SP140: variants seen among roughly 807,000 people sequenced by gnomAD.
The protein encoded by SP140 is nuclear body protein SP140.
Under a neutral mutation model 125.0 loss-of-function variants are expected in SP140, and 81 were observed. The ratio of observed to expected loss-of-function variants is 0.65; its 90% CI spans 0.54 to 0.78. The LOEUF (loss-of-function observed/expected upper bound fraction) is 0.78, where lower values mean the gene tolerates loss of function less well. SP140 is among the 30% of genes least tolerant of loss of function. The pLI, the probability that SP140 is intolerant of heterozygous loss-of-function variation, is 0.00. For synonymous variants in SP140, 312 were observed against 354.0 expected (o/e 0.88, Z 1.33); for missense variants, 858 against 1,037.0 (o/e 0.83, Z 2.37).
chr2:230,235,605 C>G (rs896387363), intron 1 of SP140, among the ~76,000 whole-genome samples: 1 of 152,056 alleles, frequency 6.6e-6, no homozygotes, highest in Non-Finnish European at 1.5e-5. Context: ...TGACCATTTC[C>G]TGGTGGGATA....
chr2:230,243,270 A>G (rs183692666), intron 4 of SP140, among the ~76,000 whole-genome samples: 4 of 152,302 alleles, frequency 2.6e-5, no homozygotes, highest in African/African-American at 4.8e-5. Flanking sequence ...TACTTAGAAT[A>G]TATGATCAAA....
At chr2:230,204,534 A>G (rs1392316237) in intron 1 of SP140, among the ~76,000 whole-genome samples, 1 of 152,138 alleles carries the variant, frequency 6.6e-6, no homozygotes, top group Non-Finnish European at 1.5e-5. Flanking sequence ...ATAACACAAT[A>G]ATGAATTCAT....
chr2:230,253,159 G>C (rs1432467151), intron 10 of SP140, among the ~76,000 whole-genome samples, 157 bp from the exon 11 acceptor site: 1 of 152,162 alleles, frequency 6.6e-6, no homozygotes, highest in Non-Finnish European at 1.5e-5. Context: ...GCAGAACGGT[G>C]AGGAGGACAC....
rs2048260300 is a variant in SP140, at chr2:230,238,313, C to T, written c.338C>T (p.Ala113Val). 1 of 1,613,996 alleles carries T rather than the reference C, an allele frequency of 6.2e-7. No homozygotes were observed. The highest frequency in any genetic ancestry group is 8.5e-7 in the Non-Finnish European group (1 of 1,179,892). ...EKTFGWSHLE[A>V]LFSRINLMAY... ...ACATTTGGCTGGTCACATCTGGAAG[C>T]ATTGTTCAGCAGGATTAACCTGATG... Residue 113 changes from alanine to valine, a missense_variant, in exon 3 of 27, where the codon GCA becomes GTA. Around this residue, in one of 4 missense-constraint regions of SP140, gnomAD observed 791 missense variants for 869.5 expected, o/e 0.91. Coordinates refer to ENST00000392045, the MANE Select transcript of SP140 (RefSeq NM_007237.5).
chr2:230,283,720 T>C (rs550598517), intron 15 of SP140, among the ~76,000 whole-genome samples: 1 of 152,052 alleles, frequency 6.6e-6, no homozygotes, highest in Non-Finnish European at 1.5e-5. Flanking sequence ...ACTTTTCTGA[T>C]AAAGGGCACG....
intron 6 of SP140, among the ~76,000 whole-genome samples, chr2:230,245,578 T>G (rs1490054141): frequency 6.6e-6 from 1 of 151,776 alleles, no homozygotes; most frequent in Non-Finnish European, 1.5e-5. Context: ...ATGGTAGAAG[T>G]CAGGGAGAGG....
chr2:230,217,245 C>CAAAAAAAAAA (rs6147220), intron 3 of SP140, among the ~76,000 whole-genome samples: 1 of 79,790 alleles, frequency 1.3e-5, no homozygotes, highest in African/African-American at 4.9e-5. Context: ...GACTCCATCT[C>CAAAAAAAAAA]AAAAAAAAAA....
chr2:230,269,940 G>T lies in SP140; in HGVS notation c.1431G>T (p.Ala477=), dbSNP rs182891771. 6.2e-7 allele frequency: 1 copy of T among 1,613,148 alleles called. No individual in the cohort carries two copies. The highest frequency in any genetic ancestry group is 8.5e-7 in the Non-Finnish European group (1 of 1,179,136). Residue 477 remains alanine, a synonymous_variant, in exon 14 of 27, where the codon GCG becomes GCT. Coordinates refer to ENST00000392045, the MANE Select transcript of SP140 (RefSeq NM_007237.5). ...SPEARTESDQ[A]CGTMDTVDIA... is the part of the protein sequence containing the mutation. ...AAGCAAGGACGGAAAGTGATCAAGC[G>T]TGTGGCACAATGGGTAAGGCTGTCT...
At chr2:230,186,244 C>T in the SP140 span, 17 of 1,148,874 alleles carry the variant, frequency 1.5e-5, no homozygotes, top group East Asian at 3.8e-4. Flanking sequence ...ATAATTCTCT[C>T]TTTTCTTGTG....
At chr2:230,310,977 A>G in intron 24 of SP140, 126 bp downstream of exon 24, 1 of 758,784 alleles carries the variant, frequency 1.3e-6, no homozygotes, top group South Asian at 1.9e-5. Flanking sequence ...AATGGCACTG[A>G]TAGAACACCA....
At chr2:230,288,139 A>G (rs2056628592) in intron 18 of SP140, 173 bp downstream of exon 18, 2 of 606,612 alleles carry the variant, frequency 3.3e-6, no homozygotes, top group East Asian at 6.0e-5. Flanking sequence ...GAAAGAAGGA[A>G]GTAAGTTGGT....
At chr2:230,191,437 T>C in the SP140 span, among the ~76,000 whole-genome samples, 1 of 151,992 alleles carries the variant, frequency 6.6e-6, no homozygotes, top group Non-Finnish European at 1.5e-5. Context: ...AGAATAAAAA[T>C]GATAAGGGGG....
intron 1 of SP140, among the ~76,000 whole-genome samples, chr2:230,226,449 A>G (rs1260948323): frequency 1.3e-5 from 2 of 152,208 alleles, no homozygotes; most frequent in Admixed American, 1.3e-4. Flanking sequence ...CAAAAAAGGC[A>G]AGCAGGTAGA....
rs201889191 is a variant in SP140 at position 230,309,950 on chromosome 2, G to A, written c.2085G>A (p.Val695=). Residue 695 remains valine, a synonymous_variant, in exon 23 of 27, where the codon GTG becomes GTA. Transcript: ENST00000392045. ...PCMRNLDECE[V]CRDGGELFCC... ...TGAGAAACCTGGATGAGTGTGAGGT[G>A]TGCCGGGACGGAGGGGAGCTGTTCT... is the stretch of plus-strand genomic sequence containing the variant. 1.2e-6 allele frequency: 2 copies of A among 1,614,088 alleles called. No homozygotes were observed. The highest frequency in any genetic ancestry group is 1.1e-5 in the South Asian group (1 of 91,076).
intron 22 of SP140, among the ~76,000 whole-genome samples, chr2:230,308,992 T>C (rs976715600): frequency 2.0e-5 from 3 of 152,218 alleles, no homozygotes; most frequent in African/African-American, 7.2e-5. Flanking sequence ...GTCTCTATAT[T>C]TGCTCTATAA....
chr2:230,186,214 A>G, the SP140 span: 1 of 1,445,550 alleles, frequency 6.9e-7, no homozygotes, highest in Non-Finnish European at 9.7e-7. Context: ...CCCTTTCAGG[A>G]GTTATCTTGC....
At chr2:230,231,266 G>A (rs1287481463) in intron 1 of SP140, among the ~76,000 whole-genome samples, 1 of 152,070 alleles carries the variant, frequency 6.6e-6, no homozygotes, top group Non-Finnish European at 1.5e-5. Flanking sequence ...TGGTTTTGAT[G>A]ATTACTTTGT....
intron 12 of SP140, among the ~76,000 whole-genome samples, chr2:230,260,085 TGCATCCATGCCA>T (rs2051970374): frequency 6.6e-6 from 1 of 152,120 alleles, no homozygotes; most frequent in African/African-American, 2.4e-5. Context: ...CCCTATTCAC[TGCATCCATGCCA>T]GCATCTACTG....
intron 4 of SP140, among the ~76,000 whole-genome samples, chr2:230,243,301 A>G (rs1417568322): frequency 6.6e-6 from 1 of 152,220 alleles, no homozygotes; most frequent in African/African-American, 2.4e-5. Flanking sequence ...TCTTTAGAGA[A>G]AGCTAGAAAG....
Sources: allele counts gnomAD v4.1 joint callset (sites outside exome capture counted in the v4.1 genomes callset), GRCh38; gene constraint gnomAD v4.1.1; regional missense constraint gnomAD v4.1.1; transcripts MANE v1.5; gene names NCBI Gene and HGNC (gene_info 2026-07-23, HGNC 2026-07-21).